PRSS8: variants seen among roughly 807,000 people sequenced by gnomAD.
PRSS8 encodes the protein prostasin.
Under a neutral mutation model 26.7 loss-of-function variants are expected in PRSS8, and 11 were observed. The observed-to-expected ratio is 0.41, with a 90% CI of 0.26 to 0.68. The LOEUF (loss-of-function observed/expected upper bound fraction) is 0.68, where lower values mean the gene tolerates loss of function less well. Among genes scored for constraint, PRSS8 ranks in the 30% least tolerant of loss-of-function variants. The pLI is 0.30. For missense variants in PRSS8, 362 were observed against 443.5 expected (o/e 0.82, Z 1.65); for synonymous variants, 183 against 187.0 (o/e 0.98, Z 0.17).
At position 31,133,714 on chromosome 16, in the gene PRSS8, A is replaced by G. The variant is rs1368371147; in HGVS notation, c.104-326T>C. ...CCTTAAGATACATTCCAGACAGACC[A>G]TGGCACCGCCATCGGACCCAGCCGT... On this transcript the variant is annotated intron_variant, in intron 2 of 5. Coordinates refer to ENST00000317508, the MANE Select transcript of PRSS8 (RefSeq NM_002773.5). This position sits in a 1 kb window ranked among gnomAD's most constrained non-coding sequence, Gnocchi z 4.7. 6.6e-6 allele frequency among the ~76,000 whole-genome samples: 1 copy of G among 152,136 alleles called. No homozygotes were observed. The highest frequency in any genetic ancestry group is 1.5e-5 in the Non-Finnish European group (1 of 68,014).
At chr16:31,134,884 AAAACCAAACC>A in intron 2 of PRSS8, 1 of 508,932 alleles carries the variant, frequency 2.0e-6, no homozygotes, top group Admixed American at 3.3e-5. Context: ...TCAAAAGACA[AAAACCAAACC>A]AAAAAAACCA....
At chr16:31,135,248 C>A in intron 1 of PRSS8, 77 bp from the exon 2 acceptor site, 3 of 1,606,432 alleles carry the variant, frequency 1.9e-6, no homozygotes, top group Non-Finnish European at 2.6e-6. Flanking sequence ...ACCACTGCTC[C>A]AGAGGGCTGG....
chr16:31,133,341 C>T lies in PRSS8; in HGVS notation c.151G>A (p.Ala51Thr), dbSNP rs754507185. Residue 51 changes from alanine to threonine, a missense_variant, in exon 3 of 6, where the codon GCA becomes ACA. Ala to Thr is a moderately conservative substitution (Grantham distance 58, BLOSUM62 0). Transcript: ENST00000317508. This position sits in a 1 kb window ranked among gnomAD's most constrained non-coding sequence, Gnocchi z 4.7. ...PQARITGGSS[A>T]VAGQWPWQVS... ...TGCCAGGGCCACTGACCGGCGACTG[C>T]ACTGCTGCCACCTGTGATGCGTGCT... The T allele has an allele frequency of 1.2e-6, 2 of 1,613,858 alleles. No individual in the cohort carries two copies. Among genetic ancestry groups the T allele is most frequent in the Non-Finnish European group, 1.7e-6 (2 of 1,179,900 alleles).
chr16:31,135,024 C>A (rs528359154), intron 2 of PRSS8, 130 bp downstream of exon 2: 6 of 1,173,542 alleles, frequency 5.1e-6, no homozygotes, highest in Admixed American at 2.3e-5. Context: ...TAAAACCCCC[C>A]ACTCTGGGAG....
intron 2 of PRSS8, chr16:31,134,688 A>T (rs2057596877): frequency 5.8e-6 from 1 of 171,112 alleles, no homozygotes; most frequent in African/African-American, 2.4e-5. Context: ...AACAAAAACA[A>T]AAACAAAAAC....
Position 31,133,493 on chromosome 16 carries a change from A to ATT in PRSS8, c.104-106_104-105insAA. The ATT allele has an allele frequency of 1.4e-6, 2 of 1,397,410 alleles. No individual in the cohort carries two copies. The highest frequency in any genetic ancestry group is 1.9e-6 in the Non-Finnish European group (2 of 1,032,730). The allele number at this position is 1,397,410 out of a possible 1,614,324, so 86.6% of individuals were successfully genotyped here. A position where few individuals can be genotyped will look rare whatever the true frequency, so the allele number is the denominator to read the frequency against. ...GGGAAGTGGGTTCACAGGAGTCAAC[A>ATT]CCCCTTTGTCCCCTCCCAGGCATGG... On this transcript the variant is annotated intron_variant, in intron 2 of 5. Transcript: ENST00000317508. The surrounding 1 kb of genome is among the most constrained non-coding windows in gnomAD (Gnocchi z 4.7).
Position 31,133,134 on chromosome 16 carries a change from T to G in PRSS8, c.266+92A>C. Reference sequence around the variant, plus strand: ...GTCCTTCCAGACTTAGAACTGACACTCTCAGACCCAACCCAAGAACCCCAA... The same window carrying G: ...GTCCTTCCAGACTTAGAACTGACACGCTCAGACCCAACCCAAGAACCCCAA... On this transcript the variant is annotated intron_variant, in intron 3 of 5. Transcript: ENST00000317508. The surrounding 1 kb of genome is among the most constrained non-coding windows in gnomAD (Gnocchi z 4.7). The G allele has an allele frequency of 6.3e-7, 1 of 1,595,994 alleles. No homozygotes were observed. The highest frequency in any genetic ancestry group is 2.2e-5 in the East Asian group (1 of 44,740).
intron 2 of PRSS8, 77 bp downstream of exon 2, chr16:31,135,077 G>T: frequency 6.5e-7 from 1 of 1,545,594 alleles, no homozygotes; most frequent in Non-Finnish European, 8.8e-7. Context: ...CTGAAGGCCA[G>T]GCACTGGTTA....
intron 1 of PRSS8, 104 bp from the exon 2 acceptor site, chr16:31,135,275 G>A: frequency 6.3e-7 from 1 of 1,596,164 alleles, no homozygotes; most frequent in East Asian, 2.2e-5. Flanking sequence ...CCCTGACAGA[G>A]CCAAGGTGGG....
rs975384894 is a variant in PRSS8, at chr16:31,131,831, A to G, written c.*178T>C. 2.1e-5 allele frequency: 14 copies of G among 660,720 alleles called. No individual in the cohort carries two copies. The highest frequency in any genetic ancestry group is 3.5e-5 in the Non-Finnish European group (14 of 401,164). The allele number at this position is 660,720 out of a possible 1,614,324, so 40.9% of individuals were successfully genotyped here. A position where few individuals can be genotyped will look rare whatever the true frequency, so the allele number is the denominator to read the frequency against. On this transcript the variant is annotated 3_prime_UTR_variant, in exon 6 of 6. Coordinates refer to ENST00000317508, the MANE Select transcript of PRSS8 (RefSeq NM_002773.5). ...GCAGTAAAACTCCTGACTCTCAGTG[A>G]TGGTCCCAAAAAGCACACCCAGAAG... is the stretch of plus-strand genomic sequence containing the variant.
chr16:31,135,353 A>G, intron 1 of PRSS8, 61 bp downstream of exon 1: 2 of 1,576,588 alleles, frequency 1.3e-6, no homozygotes, highest in East Asian at 2.3e-5. Context: ...CACCCCAGAA[A>G]ATGATCACGC....
Position 31,132,691 on chromosome 16 carries a change from CCACATG to C in PRSS8, c.523_528del (p.His175_Val176del), listed in dbSNP as rs2057587022. 6.2e-7 allele frequency: 1 copy of C among 1,613,812 alleles called. No individual in the cohort carries two copies. Among genetic ancestry groups the C allele is most frequent in the African/African-American group, 1.3e-5 (1 of 74,922 alleles). ...CAGCGTCCCACCTCACCTGAGGGGG[CCACATG>C]ACCCCAGCCAGTGACAGTGCAGTGG... On this transcript the variant is annotated inframe_deletion, in exon 4 of 6. Transcript: ENST00000317508. The surrounding 1 kb of genome is among the most constrained non-coding windows in gnomAD (Gnocchi z 5.2).
chr16:31,132,778 G>A lies in PRSS8; in HGVS notation c.442C>T (p.Arg148Cys), dbSNP rs1405761409. The A allele has an allele frequency of 1.9e-6, 3 of 1,613,994 alleles. No individual in the cohort carries two copies. The highest frequency in any genetic ancestry group is 8.5e-7 in the Non-Finnish European group (1 of 1,179,888). The change falls in exon 4 of 6, where the codon CGC becomes TGC. Residue 148 changes from arginine (R) to cysteine (C), a missense_variant. Transcript: ENST00000317508. This position sits in a 1 kb window ranked among gnomAD's most constrained non-coding sequence, Gnocchi z 5.2. Reference protein sequence around the residue: ...LQLSRPITFSRYIRPICLPAA... With the variant: ...LQLSRPITFSCYIRPICLPAA... ...GGGAGGCAGATGGGCCGGATGTAGC[G>A]GGAGAAGGTGATGGGTCTGCTGAGT...
In PRSS8 at chr16:31,135,618, G is replaced by C. The variant is rs151037929; in HGVS notation, c.-120C>G. 448 of 880,450 alleles carry C rather than the reference G, an allele frequency of 5.1e-4. 6 individuals are homozygous for C. In the East Asian group the frequency reaches 0.012, roughly 23 times the overall value. 54.5% of individuals were successfully genotyped at this position (880,450 alleles called of 1,614,324 possible). A position where few individuals can be genotyped will look rare whatever the true frequency, so the allele number is the denominator to read the frequency against. On this transcript the variant is annotated 5_prime_UTR_variant, in exon 1 of 6. Transcript: ENST00000317508. Reference sequence around the variant, plus strand: ...GGGAAGGATCCCAGAATCCGGGCTGGAAAGGGGCAGCAAGTGTCCAAGGCT... The same window carrying C: ...GGGAAGGATCCCAGAATCCGGGCTGCAAAGGGGCAGCAAGTGTCCAAGGCT...
chr16:31,131,859 TG>T lies in PRSS8; in HGVS notation c.*149del. The stretch of plus-strand genomic sequence containing the variant: ...GTCCCAAAAAGCACACCCAGAAGAA[TG>T]GGCTCAAAGATCAAGATGGGGCCCC... On this transcript the variant is annotated 3_prime_UTR_variant, in exon 6 of 6. Transcript: ENST00000317508. 1 of 814,286 alleles carries T rather than the reference TG, an allele frequency of 1.2e-6. No individual in the cohort carries two copies. The highest frequency in any genetic ancestry group is 1.9e-6 in the Non-Finnish European group (1 of 538,226). The allele number at this position is 814,286 out of a possible 1,614,324, so 50.4% of individuals were successfully genotyped here. A position where few individuals can be genotyped will look rare whatever the true frequency, so the allele number is the denominator to read the frequency against.
chr16:31,134,919 C>G, intron 2 of PRSS8: 1 of 577,704 alleles, frequency 1.7e-6, no homozygotes, highest in Admixed American at 3.1e-5. Context: ...GATTGCCCCA[C>G]TTTGGGAGTC....
rs776511670 is a variant in PRSS8 at position 31,133,381 on chromosome 16, G to A, written c.111C>T (p.Cys37=). The A allele has an allele frequency of 2.5e-6, 4 of 1,613,782 alleles. No individual in the cohort carries two copies. The highest frequency in any genetic ancestry group is 2.2e-5 in the South Asian group (2 of 91,078). Residue 37 remains cysteine (C), a synonymous_variant, in exon 3 of 6, where the codon TGC becomes TGT. Transcript: ENST00000317508. The surrounding 1 kb of genome is among the most constrained non-coding windows in gnomAD (Gnocchi z 4.7). Reference sequence around the variant, plus strand: ...TGATGCGTGCTTGGGGGGCCACACCGCAGGGAGCTGCCCAGGGAGGAAGGG... The same window carrying A: ...TGATGCGTGCTTGGGGGGCCACACCACAGGGAGCTGCCCAGGGAGGAAGGG... ...GTGAEGAEAP[C]GVAPQARITG... is the part of the protein sequence containing the mutation.
intron 2 of PRSS8, chr16:31,134,499 G>T (rs935671194): frequency 2.0e-5 from 3 of 152,774 alleles, no homozygotes; most frequent in African/African-American, 7.2e-5. Context: ...TCAGAGCTGG[G>T]TTGGGTGCCT....
Position 31,131,922 on chromosome 16 carries a change from A to C in PRSS8, c.*87T>G. On this transcript the variant is annotated 3_prime_UTR_variant, in exon 6 of 6. Transcript: ENST00000317508. ...GAGTCCTGAAGGAAGGAGTGGCTCA[A>C]GTCAGGCCCTGGGTCCAAAGGCCAT... is the stretch of plus-strand genomic sequence containing the variant. 7.2e-7 allele frequency: 1 copy of C among 1,388,594 alleles called. No homozygotes were observed. Among genetic ancestry groups the C allele is most frequent in the South Asian group, 1.5e-5 (1 of 66,712 alleles). The allele number at this position is 1,388,594 out of a possible 1,614,324, so 86.0% of individuals were successfully genotyped here.
Sources: gnomAD v4.1 joint callset for allele counts (sites outside exome capture counted in the v4.1 genomes callset) on GRCh38, gnomAD v4.1.1 for gene constraint, Gnocchi (gnomAD v3.1) non-coding constraint, MANE v1.5 for transcripts, NCBI Gene and HGNC (gene_info 2026-07-23, HGNC 2026-07-21) for gene names.